IWS1: variants seen among roughly 807,000 people sequenced by gnomAD.
The protein encoded by IWS1 is interacts with SUPT6H, CTD assembly factor 1.
A neutral mutation model predicts 86.7 loss-of-function variants in IWS1; 27 were observed. That is an observed-to-expected ratio of 0.31 (90% CI 0.23 to 0.43). The LOEUF is 0.43. Ranked by LOEUF, IWS1 falls within the 20% of genes least tolerant of loss-of-function variation. The pLI is 1.00. For synonymous variants in IWS1, 313 were observed against 335.1 expected (o/e 0.93, Z 0.72); for missense variants, 827 against 1,000.8 (o/e 0.83, Z 2.34).
intron 2 of IWS1, among the ~76,000 whole-genome samples, chr2:127,516,485 G>T (rs1691781554): frequency 6.6e-6 from 1 of 152,158 alleles, no homozygotes; most frequent in Admixed American, 6.5e-5. Context: ...AATAGGCCTG[G>T]CACAATGGCT....
Position 127,489,379 on chromosome 2 carries a change from A to C in IWS1, c.2160-144T>G. ...GGGAAAATAATTCCTAATCTTTAAA[A>C]AGTACTACTCATTTTAGTATTCATT... On this transcript the variant is annotated intron_variant, in intron 11 of 13. Coordinates refer to ENST00000295321, the MANE Select transcript of IWS1 (RefSeq NM_017969.3). The surrounding 1 kb of genome is among the most constrained non-coding windows in gnomAD (Gnocchi z 4.8). The C allele has an allele frequency of 1.6e-6, 1 of 631,782 alleles. No homozygotes were observed. The highest frequency in any genetic ancestry group is 2.0e-5 in the South Asian group (1 of 49,190). 39.1% of individuals were successfully genotyped at this position (631,782 alleles called of 1,614,324 possible).
At chr2:127,492,462 C>T (rs1056102411) in intron 9 of IWS1, among the ~76,000 whole-genome samples, 4 of 152,012 alleles carry the variant, frequency 2.6e-5, no homozygotes, top group African/African-American at 9.7e-5. Context: ...AGGAGAATCG[C>T]TTGAACCTAG....
chr2:127,502,735 T>A lies in IWS1; in HGVS notation c.1467+80A>T. 21 of 678,242 alleles carry A rather than the reference T, an allele frequency of 3.1e-5. No homozygotes were observed. The South Asian group carries it at 3.7e-4, about 12-fold the overall frequency. The allele number at this position is 678,242 out of a possible 1,614,324, so 42.0% of individuals were successfully genotyped here. On this transcript the variant is annotated intron_variant, in intron 5 of 13. Coordinates refer to ENST00000295321, the MANE Select transcript of IWS1 (RefSeq NM_017969.3). The stretch of plus-strand genomic sequence containing the variant: ...AATTGTTTATTCCTACTTATTAGAA[T>A]CATCTATAATGGTATCACTGCCATA...
At position 127,483,631 on chromosome 2, in the gene IWS1, C is replaced by CGT. The variant is rs374712537; in HGVS notation, c.2329-2458_2329-2457dup. Among the ~76,000 whole-genome samples the CGT allele has an allele frequency of 5.5e-3, 221 of 39,862 alleles. 2 individuals are homozygous for CGT. Among genetic ancestry groups the CGT allele is most frequent in the African/African-American group, 0.018 (216 of 11,916 alleles). The allele number at this position is 39,862 out of a possible 152,430, so 26.2% of individuals were successfully genotyped here. A position where few individuals can be genotyped will look rare whatever the true frequency, so the allele number is the denominator to read the frequency against. On this transcript the variant is annotated intron_variant, in intron 13 of 13. Coordinates refer to ENST00000295321, the MANE Select transcript of IWS1 (RefSeq NM_017969.3). ...GTGTGTGTGTGTGTGTGTGCGTGTGCGTGTGTGTGTGTGTGTGTTTTCTAG... is the reference window on the plus strand; with the variant it reads ...GTGTGTGTGTGTGTGTGTGCGTGTGCGTGTGTGTGTGTGTGTGTGTTTTCTAG...
intron 12 of IWS1, among the ~76,000 whole-genome samples, chr2:127,488,609 CATGAT>C (rs1186945622): frequency 6.6e-6 from 1 of 152,242 alleles, no homozygotes; most frequent in Non-Finnish European, 1.5e-5. Flanking sequence ...ATCCATCCTA[CATGAT>C]GCCATTGGCA....
At chr2:127,526,654 G>T, upstream of IWS1, 1 of 1,323,418 alleles carries the variant, frequency 7.6e-7, no homozygotes, top group Non-Finnish European at 1.0e-6. Flanking sequence ...GGTGGATCCT[G>T]GTCTGACCCC....
chr2:127,525,675 G>A (rs893667922), intron 1 of IWS1, among the ~76,000 whole-genome samples: 7 of 152,216 alleles, frequency 4.6e-5, no homozygotes, highest in Non-Finnish European at 8.8e-5. Flanking sequence ...ATCTCAAGGT[G>A]GAGGAAAGGC....
At chr2:127,497,970 C>A (rs1198735884) in intron 6 of IWS1, among the ~76,000 whole-genome samples, 170 bp downstream of exon 6, 1 of 152,074 alleles carries the variant, frequency 6.6e-6, no homozygotes. Flanking sequence ...AAATGAAAGA[C>A]AAGTAACAAC....
At chr2:127,497,915 C>G (rs1690598829) in intron 6 of IWS1, among the ~76,000 whole-genome samples, 1 of 152,066 alleles carries the variant, frequency 6.6e-6, no homozygotes, top group Non-Finnish European at 1.5e-5. Context: ...AAGTCTGGTG[C>G]CATATAAATA....
Position 127,504,898 on chromosome 2 carries a change from C to G in IWS1, c.1005G>C (p.Arg335Ser). The G allele has an allele frequency of 2.5e-6, 4 of 1,614,150 alleles. No individual in the cohort carries two copies. The highest frequency in any genetic ancestry group is 3.4e-6 in the Non-Finnish European group (4 of 1,180,042). The change falls in exon 3 of 14, where the codon AGG becomes AGC. Residue 335 changes from arginine (R) to serine (S), a missense_variant. Transcript: ENST00000295321. The part of the protein sequence containing the change: ...QKPESDDDSD[R>S]ENKGEDTEMQ... ...TTTCTGTATCCTCTCCCTTATTCTCCCTGTCGCTGTCATCATCTGACTCTG... is the reference window on the plus strand; with the variant it reads ...TTTCTGTATCCTCTCCCTTATTCTCGCTGTCGCTGTCATCATCTGACTCTG...
intron 6 of IWS1, 60 bp from the exon 7 acceptor site, chr2:127,496,208 T>C (rs334150): frequency 0.076 from 116,072 of 1,534,606 alleles, 8,438 homozygotes; most frequent in African/African-American, 0.34. Context: ...ACATTTACTT[T>C]CACAACAATT....
At chr2:127,488,346 C>T (rs1457267272) in intron 12 of IWS1, among the ~76,000 whole-genome samples, 1 of 152,204 alleles carries the variant, frequency 6.6e-6, no homozygotes, top group Non-Finnish European at 1.5e-5. Context: ...AGGCATGTCA[C>T]ATTTAATATG....
In IWS1 at chr2:127,526,385, G is replaced by A. The variant is rs1340369521; in HGVS notation, c.-177C>T. 2.6e-6 allele frequency: 4 copies of A among 1,536,214 alleles called. No homozygotes were observed. Among genetic ancestry groups the A allele is most frequent in the Admixed American group, 3.9e-5 (2 of 50,980 alleles). On this transcript the variant is annotated 5_prime_UTR_variant, in exon 1 of 14. Coordinates refer to ENST00000295321, the MANE Select transcript of IWS1 (RefSeq NM_017969.3). Reference sequence around the variant, plus strand: ...GCGGCAAAGGCGAATTCTTTGACCTGGAAGCCCCGGCGGAAAAGGCCGTAC... The same window carrying A: ...GCGGCAAAGGCGAATTCTTTGACCTAGAAGCCCCGGCGGAAAAGGCCGTAC...
chr2:127,506,963 C>T (rs1691181312), intron 2 of IWS1, among the ~76,000 whole-genome samples: 1 of 152,146 alleles, frequency 6.6e-6, no homozygotes, highest in African/African-American at 2.4e-5. Flanking sequence ...CTTTAAATAA[C>T]ATGGCAATAA....
intron 12 of IWS1, chr2:127,488,245 T>C (rs2104659352): frequency 6.6e-6 from 1 of 152,368 alleles, no homozygotes; most frequent in Middle Eastern, 3.4e-3. Flanking sequence ...TGAACAATCT[T>C]TTCTATGGAG....
At chr2:127,509,016 A>T (rs1691296551) in intron 2 of IWS1, among the ~76,000 whole-genome samples, 1 of 152,234 alleles carries the variant, frequency 6.6e-6, no homozygotes, top group Non-Finnish European at 1.5e-5. Flanking sequence ...AATCCTCATG[A>T]ATTTTTTATG....
rs763125878 is a variant in IWS1 at position 127,505,522 on chromosome 2, T to C, written c.381A>G (p.Lys127=). ...CATTTTCAGAGTCACTACCAGGTAA[T>C]TTCCTGGTCTCTTCACTCTCAGAGT... is the stretch of plus-strand genomic sequence containing the variant. The part of the protein sequence containing the change: ...GSDSESEETR[K]LPGSDSENEE... Residue 127 remains lysine (K), a synonymous_variant, in exon 3 of 14, where the codon AAA becomes AAG. Transcript: ENST00000295321. This position sits in a 1 kb window ranked among gnomAD's most constrained non-coding sequence, Gnocchi z 5.0. 4 of 1,613,948 alleles carry C rather than the reference T, an allele frequency of 2.5e-6. No individual in the cohort carries two copies. Among genetic ancestry groups the C allele is most frequent in the Admixed American group, 3.3e-5 (2 of 59,986 alleles).
intron 5 of IWS1, 38 bp from the exon 6 acceptor site, chr2:127,498,275 C>T: frequency 6.3e-7 from 1 of 1,589,622 alleles, no homozygotes; most frequent in Non-Finnish European, 8.6e-7. Context: ...TACAGATTTT[C>T]TTCTGTATTA....
At chr2:127,524,950 G>A (rs1205011716) in intron 1 of IWS1, among the ~76,000 whole-genome samples, 1 of 151,770 alleles carries the variant, frequency 6.6e-6, no homozygotes. Context: ...GTGCAGTGGT[G>A]CAACTTCCGC....
Sources: gnomAD v4.1 joint callset for allele counts (sites outside exome capture counted in the v4.1 genomes callset) on GRCh38, gnomAD v4.1.1 for gene constraint, Gnocchi (gnomAD v3.1) non-coding constraint, MANE v1.5 for transcripts, NCBI Gene and HGNC (gene_info 2026-07-23, HGNC 2026-07-21) for gene names.